Variants in SHTN1 observed in about 807,000 individuals in gnomAD.
SHTN1 encodes shootin-1.
SHTN1 carries 42 observed loss-of-function variants against 83.1 expected under a neutral mutation model. The observed-to-expected ratio is 0.51, with a 90% CI of 0.39 to 0.65. The LOEUF is 0.65. Ranked by LOEUF, SHTN1 falls within the 30% of genes least tolerant of loss-of-function variation. The pLI, the probability that SHTN1 is intolerant of heterozygous loss-of-function variation, is 0.00. For synonymous variants in SHTN1, 224 were observed against 247.7 expected (o/e 0.90, Z 0.90); for missense variants, 622 against 737.8 (o/e 0.84, Z 1.82).
chr10:117,094,706 G>C (rs1278915724), intron 1 of SHTN1, among the ~76,000 whole-genome samples: 2 of 152,146 alleles, frequency 1.3e-5, no homozygotes, highest in Admixed American at 6.5e-5. Flanking sequence ...TAAGTGAGTT[G>C]TGATTTTAAT....
In SHTN1 at chr10:117,081,550, A is replaced by C. The variant is rs796711370; in HGVS notation, c.-188-33040T>G. On this transcript the variant is annotated intron_variant, in intron 1 of 17. Transcript: ENST00000392901. ...GGTATCAGAATGATGCTGGCCTCAT[A>C]AAATGAGTTAGGGAGGATTCCCTCT... Among the ~76,000 whole-genome samples the C allele has an allele frequency of 2.5e-4, 35 of 139,894 alleles. No individual in the cohort carries two copies. The East Asian group carries it at 6.2e-3, about 25-fold the overall frequency. The allele number at this position is 139,894 out of a possible 152,430, so 91.8% of individuals were successfully genotyped here. A position where few individuals can be genotyped will look rare whatever the true frequency, so the allele number is the denominator to read the frequency against.
intron 4 of SHTN1, 101 bp downstream of exon 4, chr10:116,960,035 G>A (rs892804614): frequency 6.0e-6 from 4 of 664,068 alleles, no homozygotes; most frequent in African/African-American, 1.8e-5. Context: ...GTAGATAATC[G>A]ATTAGAGAAG....
intron 11 of SHTN1, among the ~76,000 whole-genome samples, chr10:116,922,566 C>T (rs1256029403): frequency 2.0e-5 from 3 of 152,138 alleles, no homozygotes; most frequent in Non-Finnish European, 4.4e-5. Flanking sequence ...AAATGTCCAT[C>T]AGCACCACAA....
At position 116,940,145 on chromosome 10, in the gene SHTN1, A is replaced by G. The variant is rs548581617; in HGVS notation, c.858+321T>C. 7.4e-4 allele frequency among the ~76,000 whole-genome samples: 112 copies of G among 152,248 alleles called. 2 individuals carry two copies. In the South Asian group the frequency reaches 0.022, roughly 30 times the overall value. ...GTGTGCAGTCTCCAAAAAATATAAC[A>G]TTTCCAAAAATTGAATTTCCAGACT... On this transcript the variant is annotated intron_variant, in intron 9 of 16. Coordinates refer to ENST00000355371, the MANE Select transcript of SHTN1 (RefSeq NM_001127211.3).
intron 11 of SHTN1, among the ~76,000 whole-genome samples, chr10:116,925,184 T>C (rs1446815909): frequency 6.6e-6 from 1 of 152,218 alleles, no homozygotes; most frequent in Admixed American, 6.5e-5. Context: ...TCCATGAGGA[T>C]GTTGTGGATG....
At chr10:116,953,618 G>GGTT (rs1849855707) in intron 5 of SHTN1, among the ~76,000 whole-genome samples, 1 of 82,008 alleles carries the variant, frequency 1.2e-5, no homozygotes, top group Non-Finnish European at 2.9e-5. Context: ...TCAGTTTTGT[G>GGTT]TTTTGTTTTT....
intron 1 of SHTN1, among the ~76,000 whole-genome samples, chr10:117,123,087 C>G (rs1470496340): frequency 6.6e-6 from 1 of 152,044 alleles, no homozygotes; most frequent in African/African-American, 2.4e-5. Context: ...ACTGCAACCT[C>G]TGCCTCCCGG....
chr10:117,084,741 C>T (rs1268168884), intron 1 of SHTN1, among the ~76,000 whole-genome samples: 4 of 151,662 alleles, frequency 2.6e-5, no homozygotes, highest in African/African-American at 4.8e-5. Context: ...TCTCGTGGTG[C>T]GCCGTTTTTT....
intron 9 of SHTN1, among the ~76,000 whole-genome samples, chr10:116,935,258 T>C (rs1849112866): frequency 6.6e-6 from 1 of 152,228 alleles, no homozygotes; most frequent in African/African-American, 2.4e-5. Flanking sequence ...TCAAAGGAAA[T>C]GCTTCCAGCT....
chr10:117,000,250 C>T (rs183206354), intron 1 of SHTN1, among the ~76,000 whole-genome samples: 212 of 152,242 alleles, frequency 1.4e-3, no homozygotes, highest in African/African-American at 4.9e-3. Flanking sequence ...CCCAGACTGA[C>T]GTGGTCATTG....
intron 1 of SHTN1, among the ~76,000 whole-genome samples, chr10:117,121,760 C>T (rs911167140): frequency 4.7e-5 from 7 of 148,484 alleles, no homozygotes; most frequent in Non-Finnish European, 7.5e-5. Context: ...TGGCTGGGTG[C>T]GGTGGCTCAC....
intron 2 of SHTN1, among the ~76,000 whole-genome samples, chr10:117,034,501 T>C (rs1328428772): frequency 1.3e-5 from 2 of 152,026 alleles, no homozygotes; most frequent in Non-Finnish European, 2.9e-5. Flanking sequence ...ATTAGTTGGG[T>C]GTGGTGGCAC....
At chr10:117,081,171 T>C (rs1370072913) in intron 1 of SHTN1, among the ~76,000 whole-genome samples, 86 of 149,340 alleles carry the variant, frequency 5.8e-4, no homozygotes, top group African/African-American at 1.9e-3. Context: ...GGCTGTGGGT[T>C]TGTCATAGAT....
chr10:117,018,760 A>AG (rs1237554302), intron 2 of SHTN1, among the ~76,000 whole-genome samples: 2 of 151,854 alleles, frequency 1.3e-5, no homozygotes, highest in African/African-American at 4.8e-5. Context: ...TTCAGTAGAG[A>AG]GGGGTTTTCA....
chr10:117,090,349 G>C (rs1052816310), intron 1 of SHTN1, among the ~76,000 whole-genome samples: 4 of 152,178 alleles, frequency 2.6e-5, no homozygotes, highest in Non-Finnish European at 5.9e-5. Context: ...AAGGTACCTA[G>C]AGTAGTCAGA....
At chr10:117,121,226 A>G (rs774589921) in intron 1 of SHTN1, among the ~76,000 whole-genome samples, 4 of 152,392 alleles carry the variant, frequency 2.6e-5, no homozygotes, top group Non-Finnish European at 2.9e-5. Flanking sequence ...GATTACATGT[A>G]TAATCTCCTA....
upstream of SHTN1, among the ~76,000 whole-genome samples, chr10:117,009,537 T>C (rs1852070521): frequency 6.6e-6 from 1 of 151,998 alleles, no homozygotes. Context: ...AGACTTTAAG[T>C]CAAAAACTGT....
At position 117,030,204 on chromosome 10, in the gene SHTN1, C is replaced by T. The variant is rs148577706; in HGVS notation, c.-123+18241G>A. On this transcript the variant is annotated intron_variant, in intron 2 of 17. Transcript: ENST00000392901. ...GCCCGACCCTTTTCTTTTTAAATTA[C>T]CTAGTCTCAGGTATTTATAGCAATG... 3.9e-3 allele frequency among the ~76,000 whole-genome samples: 590 copies of T among 152,130 alleles called. 4 individuals are homozygous for T. Among genetic ancestry groups the T allele is most frequent in the African/African-American group, 0.013 (556 of 41,514 alleles).
intron 6 of SHTN1, among the ~76,000 whole-genome samples, chr10:116,950,764 A>G (rs913312214): frequency 1.3e-5 from 2 of 152,172 alleles, no homozygotes; most frequent in Non-Finnish European, 2.9e-5. Context: ...CCTTTCCAAA[A>G]TATCATCTTC....
Sources: allele counts gnomAD v4.1 joint callset (sites outside exome capture counted in the v4.1 genomes callset), GRCh38; gene constraint gnomAD v4.1.1; transcripts MANE v1.5; gene names NCBI Gene and HGNC (gene_info 2026-07-23, HGNC 2026-07-21).